PCTP: variants seen among roughly 807,000 people sequenced by gnomAD.
PCTP encodes phosphatidylcholine transfer protein.
Under a neutral mutation model 31.0 loss-of-function variants are expected in PCTP, and 27 were observed. That is an observed-to-expected ratio of 0.87 (90% CI 0.64 to 1.20). The LOEUF (loss-of-function observed/expected upper bound fraction) is 1.20. Ranked by LOEUF, PCTP falls within the 50% of genes most tolerant of loss-of-function variation. The pLI is 0.00. For synonymous variants in PCTP, 108 were observed against 101.2 expected, an observed-to-expected ratio of 1.07 and a Z score of -0.40; for missense variants, 287 against 268.2, an observed-to-expected ratio of 1.07 and a Z score of -0.49.
At chr17:55,838,643 A>T (rs2145089547) in intron 5 of PCTP, among the ~76,000 whole-genome samples, 1 of 152,348 alleles carries the variant, frequency 6.6e-6, no homozygotes, top group East Asian at 1.9e-4. Flanking sequence ...TATTGAATGA[A>T]GAGTGACGGA....
downstream of PCTP, among the ~76,000 whole-genome samples, chr17:55,847,750 G>C (rs1906177342): frequency 6.6e-6 from 1 of 152,150 alleles, no homozygotes; most frequent in Non-Finnish European, 1.5e-5. Flanking sequence ...GACAGGAAGA[G>C]TTCCCCCTTG....
At chr17:55,807,867 T>A (rs1006506459) in intron 3 of PCTP, among the ~76,000 whole-genome samples, 1 of 152,204 alleles carries the variant, frequency 6.6e-6, no homozygotes, top group Non-Finnish European at 1.5e-5. Flanking sequence ...CAGATATAAA[T>A]GCTTCTAATT....
chr17:55,772,283 C>T (rs1276997444), intron 3 of PCTP, among the ~76,000 whole-genome samples: 4 of 152,100 alleles, frequency 2.6e-5, no homozygotes, highest in South Asian at 4.1e-4. Flanking sequence ...CAACAGGGGG[C>T]GCTGTCAAGA....
rs988458222 is a variant in PCTP, at chr17:55,774,714, TAA to T, written c.512-76_512-75del. On this transcript the variant is annotated intron_variant, in intron 4 of 5. Coordinates refer to ENST00000268896, the MANE Select transcript of PCTP (RefSeq NM_021213.4). The stretch of plus-strand genomic sequence containing the variant: ...GTTTCTGAGCTTGAATATGAAGATA[TAA>T]AGTTTGCACAGTTTTGTTGCTATAT... 71 of 1,193,180 alleles carry T rather than the reference TAA, an allele frequency of 6.0e-5. No homozygotes were observed. In the African/African-American group the frequency reaches 8.6e-4, roughly 14 times the overall value. 73.9% of individuals were successfully genotyped at this position (1,193,180 alleles called of 1,614,324 possible).
At position 55,822,796 on chromosome 17, in the gene PCTP, G is replaced by C. The variant is rs147059023; in HGVS notation, c.353G>C (p.Arg118Thr). Residue 118 changes from arginine to threonine, a missense_variant, in exon 4 of 4, where the codon AGA (arginine) becomes ACA (threonine). Transcript: ENST00000572536. ...GAACCAAGCGGGAAGCTCAGAATCA[G>C]AGAGACCTCATCAAGTTTTTGGCAA... is the stretch of plus-strand genomic sequence containing the variant. The C allele has an allele frequency of 1.1e-3, 1,291 of 1,220,276 alleles. 1 individual carries two copies. The highest frequency in any genetic ancestry group is 1.3e-3 in the Non-Finnish European group (1,250 of 977,402). 75.6% of individuals were successfully genotyped at this position (1,220,276 alleles called of 1,614,324 possible). A position where few individuals can be genotyped will look rare whatever the true frequency, so the allele number is the denominator to read the frequency against.
chr17:55,761,737 CAATTT>C (rs1398997312), intron 1 of PCTP, among the ~76,000 whole-genome samples: 3 of 151,702 alleles, frequency 2.0e-5, no homozygotes, highest in South Asian at 2.1e-4. Flanking sequence ...TGTTGTATCT[CAATTT>C]AATATCCATT....
chr17:55,776,415 G>C lies in PCTP; in HGVS notation c.*315G>C. On this transcript the variant is annotated 3_prime_UTR_variant, in exon 6 of 6. Coordinates refer to ENST00000268896, the MANE Select transcript of PCTP (RefSeq NM_021213.4). Reference sequence around the variant, plus strand: ...AACCTTTGCTTGCTTACTATTAGGAGGGGAAGTCTTCAGTAGGGAACACGA... The same window carrying C: ...AACCTTTGCTTGCTTACTATTAGGACGGGAAGTCTTCAGTAGGGAACACGA... 10 of 1,248,490 alleles carry C rather than the reference G, an allele frequency of 8.0e-6. No individual in the cohort carries two copies. Among genetic ancestry groups the C allele is most frequent in the Non-Finnish European group, 7.0e-6 (7 of 998,262 alleles). The allele number at this position is 1,248,490 out of a possible 1,614,324, so 77.3% of individuals were successfully genotyped here.
At chr17:55,840,819 CTGTT>C (rs1008968416) in intron 5 of PCTP, among the ~76,000 whole-genome samples, 1 of 152,170 alleles carries the variant, frequency 6.6e-6, no homozygotes. Context: ...AAATTTGAAA[CTGTT>C]TGAGTGTCAA....
chr17:55,789,859 AT>A (rs2145002465), intron 3 of PCTP, among the ~76,000 whole-genome samples: 1 of 152,284 alleles, frequency 6.6e-6, no homozygotes, highest in South Asian at 2.1e-4. Context: ...AAAAAAGAGA[AT>A]TTTAGACCAA....
rs1301999389 is a variant in PCTP at position 55,798,049 on chromosome 17, CAAAT to C, written c.317+10399_317+10402del. Among the ~76,000 whole-genome samples, 4 of 151,308 alleles carry C rather than the reference CAAAT, an allele frequency of 2.6e-5. No homozygotes were observed. The East Asian group carries it at 7.8e-4, about 30-fold the overall frequency. On this transcript the variant is annotated intron_variant, in intron 3 of 3. Coordinates refer to the PCTP transcript ENST00000572536. ...TGGGAATCAGACTGTATTAAAAAAACAAATAAACTCATAGACCTGAAAAAATAAA... is the reference window on the plus strand; with the variant it reads ...TGGGAATCAGACTGTATTAAAAAAACAAACTCATAGACCTGAAAAAATAAA...
At chr17:55,823,682 A>G (rs899913164), downstream of PCTP, among the ~76,000 whole-genome samples, 2 of 152,184 alleles carry the variant, frequency 1.3e-5, no homozygotes, top group Non-Finnish European at 2.9e-5. Flanking sequence ...TGTGATAGGA[A>G]ATGTTATTTT....
At position 55,767,350 on chromosome 17, in the gene PCTP, G is replaced by C. The variant is rs768414803; in HGVS notation, c.157G>C (p.Glu53Gln). 6.2e-7 allele frequency: 1 copy of C among 1,602,198 alleles called. No individual in the cohort carries two copies. Among genetic ancestry groups the C allele is most frequent in the Non-Finnish European group, 8.5e-7 (1 of 1,169,662 alleles). Residue 53 changes from glutamate to glutamine, a missense_variant, in exon 2 of 6, where the codon GAG (glutamate) becomes CAG (glutamine). Transcript: ENST00000268896. ...RLLDKKTGLYEYKVFGVLEDC... is the reference protein window; with the variant it reads ...RLLDKKTGLYQYKVFGVLEDC... The stretch of plus-strand genomic sequence containing the variant: ...GTTTTTATAGAAGACTGGACTTTAT[G>C]AGTATAAAGTCTTTGGTGTTCTGGA...
chr17:55,830,241 G>A (rs912934252), intron 5 of PCTP, among the ~76,000 whole-genome samples: 2 of 152,262 alleles, frequency 1.3e-5, no homozygotes, highest in East Asian at 3.9e-4. Flanking sequence ...TGCGGGGTAG[G>A]GGGAGGTGGT....
intron 1 of PCTP, among the ~76,000 whole-genome samples, chr17:55,756,270 G>C (rs749100539): frequency 1.3e-5 from 2 of 152,194 alleles, no homozygotes; most frequent in Non-Finnish European, 2.9e-5. Flanking sequence ...CATAGTATAT[G>C]ATGAAATGTC....
chr17:55,756,844 C>T (rs1357291013), intron 1 of PCTP, among the ~76,000 whole-genome samples: 1 of 152,104 alleles, frequency 6.6e-6, no homozygotes. Context: ...GTCCCTCAGC[C>T]AGGCTGAGCT....
At chr17:55,842,569 T>C (rs754446976) in intron 5 of PCTP, 1 of 152,200 alleles carries the variant, frequency 6.6e-6, no homozygotes, top group Non-Finnish European at 1.5e-5. Flanking sequence ...TGATGACAGG[T>C]TGGCATCAGC....
intron 1 of PCTP, among the ~76,000 whole-genome samples, chr17:55,763,974 T>C (rs562089516): frequency 3.3e-5 from 5 of 152,330 alleles, no homozygotes; most frequent in African/African-American, 1.2e-4. Context: ...TGCTCAGTTC[T>C]GCCTCGAAGG....
Position 55,751,149 on chromosome 17 carries a change from G to T in PCTP, c.46G>T (p.Ala16Ser). Residue 16 changes from alanine to serine, a missense_variant, in exon 1 of 6, where the codon GCC (alanine) becomes TCC (serine). Coordinates refer to ENST00000268896, the MANE Select transcript of PCTP (RefSeq NM_021213.4). The stretch of plus-strand genomic sequence containing the variant: ...CTTCTCGGAGGAGCAGTTCTGGGAG[G>T]CCTGCGCCGAGCTCCAGCAGCCCGC... Reference protein sequence around the residue: ...GSFSEEQFWEACAELQQPALA... With the variant: ...GSFSEEQFWESCAELQQPALA... The T allele has an allele frequency of 6.5e-7, 1 of 1,547,708 alleles. No individual in the cohort carries two copies. Among genetic ancestry groups the T allele is most frequent in the South Asian group, 1.2e-5 (1 of 83,866 alleles).
intron 1 of PCTP, among the ~76,000 whole-genome samples, chr17:55,763,576 C>T (rs1407489522): frequency 1.3e-5 from 2 of 151,014 alleles, no homozygotes; most frequent in Admixed American, 6.6e-5. Flanking sequence ...TCTTCATAAC[C>T]TCAGTATAAT....
Sources: gnomAD v4.1 joint callset for allele counts (sites outside exome capture counted in the v4.1 genomes callset) on GRCh38, gnomAD v4.1.1 for gene constraint, MANE v1.5 for transcripts, NCBI Gene and HGNC (gene_info 2026-07-23, HGNC 2026-07-21) for gene names.